KIAA0930: variants seen among roughly 807,000 people sequenced by gnomAD.
The protein encoded by KIAA0930 is KIAA0930, also known as uncharacterized protein KIAA0930.
Under a neutral mutation model 43.9 loss-of-function variants are expected in KIAA0930, and 24 were observed. The observed-to-expected ratio is 0.55, with a 90% CI of 0.40 to 0.77. The LOEUF is 0.77. Among genes scored for constraint, KIAA0930 ranks in the 30% least tolerant of loss-of-function variants. KIAA0930 has a pLI of 0.00. For missense variants in KIAA0930, 461 were observed against 574.2 expected (o/e 0.80, Z 2.02); for synonymous variants, 259 against 216.4 (o/e 1.20, Z -1.73).
chr22:45,211,579 G>A (rs2083693527), intron 2 of KIAA0930: 2 of 467,584 alleles, frequency 4.3e-6, no homozygotes, highest in East Asian at 3.3e-5. Context: ...ACTGAGTCAG[G>A]TCACCCTGCC....
In KIAA0930 at chr22:45,205,290, G is replaced by C; in HGVS notation, c.443C>G (p.Pro148Arg). The C allele has an allele frequency of 6.2e-7, 1 of 1,614,118 alleles. No individual in the cohort carries two copies. Among genetic ancestry groups the C allele is most frequent in the Non-Finnish European group, 8.5e-7 (1 of 1,179,966 alleles). The change falls in exon 5 of 10, where the codon CCC becomes CGC. Residue 148 changes from proline to arginine, a missense_variant. Coordinates refer to ENST00000336156, the MANE Select transcript of KIAA0930 (RefSeq NM_001009880.2). Reference sequence around the variant, plus strand: ...GGACTCCTCCCCCTTGCTGTCCATGGGGTGTTTACTGGGGGACGCGAACAC... The same window carrying C: ...GGACTCCTCCCCCTTGCTGTCCATGCGGTGTTTACTGGGGGACGCGAACAC... The part of the protein sequence containing the change: ...QQVFASPSKH[P>R]MDSKGEESKI...
In KIAA0930 at chr22:45,219,910, G is replaced by A. The variant is rs536726685; in HGVS notation, c.65-7803C>T. The stretch of plus-strand genomic sequence containing the variant: ...CAGCCCAAGAAGTGATTTTGGGAAG[G>A]CAATCCTATCAGATTTTCAGGAAAC... On this transcript the variant is annotated intron_variant, in intron 1 of 9. Coordinates refer to ENST00000336156, the MANE Select transcript of KIAA0930 (RefSeq NM_001009880.2). 1.2e-4 allele frequency among the ~76,000 whole-genome samples: 19 copies of A among 152,132 alleles called. No homozygotes were observed. The South Asian group carries it at 1.7e-3, about 13-fold the overall frequency.
rs1311333834 is a variant in KIAA0930, at chr22:45,203,023, C to T, written c.819G>A (p.Glu273=). The change falls in exon 7 of 10, where the codon GAG becomes GAA. Residue 273 remains glutamate, a synonymous_variant. Transcript: ENST00000336156. ...TGDTSPCGTE[E]DSSPASPMHE... is the part of the protein sequence containing the mutation. ...GCATGGGCGAAGCTGGGCTGGAGTC[C>T]TCTTCAGTCCCACAGGGGGATGTGT... 8.1e-6 allele frequency: 13 copies of T among 1,612,696 alleles called. No individual in the cohort carries two copies. The highest frequency in any genetic ancestry group is 1.7e-5 in the Admixed American group (1 of 59,874).
At chr22:45,226,111 C>T in intron 1 of KIAA0930, 1 of 393,468 alleles carries the variant, frequency 2.5e-6, no homozygotes, top group Non-Finnish European at 5.4e-6. Context: ...GAGCCCTGTC[C>T]TCGGTGCGTT....
intron 7 of KIAA0930, among the ~76,000 whole-genome samples, chr22:45,200,419 G>GA (rs1156954468): frequency 6.6e-6 from 1 of 152,186 alleles, no homozygotes; most frequent in Non-Finnish European, 1.5e-5. Context: ...CCAGCTCCGT[G>GA]AGACAGGGGC....
chr22:45,202,906 C>T, intron 7 of KIAA0930, 84 bp downstream of exon 7: 3 of 1,201,494 alleles, frequency 2.5e-6, no homozygotes, highest in South Asian at 1.5e-5. Flanking sequence ...CACCTATGTC[C>T]CCAGGGGGCC....
At position 45,239,679 on chromosome 22, in the gene KIAA0930, C is replaced by T. The variant is rs187833876; in HGVS notation, c.64+961G>A. 2.0e-3 allele frequency among the ~76,000 whole-genome samples: 302 copies of T among 152,278 alleles called. 4 individuals carry two copies. The highest frequency in any genetic ancestry group is 8.4e-4 in the Non-Finnish European group (57 of 68,028). ...CTTGTTCTCTGGGACTCAGTTTCCC[C>T]AACGGTGAATGAAGGGGTGAATCTG... is the stretch of plus-strand genomic sequence containing the variant. On this transcript the variant is annotated intron_variant, in intron 1 of 9. Transcript: ENST00000336156.
intron 1 of KIAA0930, chr22:45,226,356 T>C: frequency 2.1e-6 from 1 of 471,034 alleles, no homozygotes; most frequent in Non-Finnish European, 4.4e-6. Flanking sequence ...TCTGTGGGCC[T>C]GCTCTGCCCC....
rs567087555 is a variant in KIAA0930 at position 45,195,130 on chromosome 22, G to A, written c.*2046C>T. The A allele has an allele frequency of 6.6e-6, 1 of 152,252 alleles. No individual in the cohort carries two copies. The highest frequency in any genetic ancestry group is 1.9e-4 in the East Asian group (1 of 5,198). The allele number at this position is 152,252 out of a possible 1,614,324, so 9.4% of individuals were successfully genotyped here. On this transcript the variant is annotated 3_prime_UTR_variant, in exon 10 of 10. Transcript: ENST00000336156. ...ACTGGTCCTCATGGTCACCCTGTGA[G>A]GGGGGCAGCATTTTTGCCATCTTAC...
chr22:45,240,499 A>G (rs2083910291), intron 1 of KIAA0930, 141 bp downstream of exon 1: 1 of 444,896 alleles, frequency 2.2e-6, no homozygotes, highest in Admixed American at 3.6e-5. Context: ...GGAGGAAGAC[A>G]GGGTACCCAG....
At chr22:45,217,360 CAAAAAAAAA>C (rs58492110) in intron 1 of KIAA0930, among the ~76,000 whole-genome samples, 8 of 68,698 alleles carry the variant, frequency 1.2e-4, no homozygotes, top group African/African-American at 1.2e-4. Flanking sequence ...GACCCCGTCT[CAAAAAAAAA>C]AAAAAAAAAA....
chr22:45,217,815 T>C (rs2083742945), intron 1 of KIAA0930, among the ~76,000 whole-genome samples: 1 of 151,868 alleles, frequency 6.6e-6, no homozygotes, highest in South Asian at 2.1e-4. Context: ...GGAAAACTGA[T>C]ATTTGCCAGG....
rs775003951 is a variant in KIAA0930 at position 45,203,884 on chromosome 22, G to A, written c.618C>T (p.Ser206=). The change falls in exon 6 of 10, where the codon TCC becomes TCT. Residue 206 remains serine (S), a synonymous_variant. Coordinates refer to ENST00000336156, the MANE Select transcript of KIAA0930 (RefSeq NM_001009880.2). The part of the protein sequence containing the change: ...NTFQGVIFQG[S]IRYEALKKVY... The stretch of plus-strand genomic sequence containing the variant: ...CCTTCTTGAGCGCCTCGTAGCGGAT[G>A]GAGCCCTGAAAGATGACCCCCTGGA... The A allele has an allele frequency of 3.1e-6, 5 of 1,614,104 alleles. No individual in the cohort carries two copies. The highest frequency in any genetic ancestry group is 4.2e-6 in the Non-Finnish European group (5 of 1,179,986).
chr22:45,203,866 G>A lies in KIAA0930; in HGVS notation c.636C>T (p.Leu212=), dbSNP rs769460908. ...TCACCCGGTTGTCATACACCTTCTT[G>A]AGCGCCTCGTAGCGGATGGAGCCCT... The part of the protein sequence containing the change: ...IFQGSIRYEA[L]KKVYDNRVSV... Residue 212 remains leucine, a synonymous_variant, in exon 6 of 10, where the codon CTC becomes CTT. Coordinates refer to ENST00000336156, the MANE Select transcript of KIAA0930 (RefSeq NM_001009880.2). The A allele has an allele frequency of 1.9e-6, 3 of 1,614,070 alleles. No homozygotes were observed. In the East Asian group the frequency reaches 6.7e-5, roughly 36 times the overall value.
intron 1 of KIAA0930, among the ~76,000 whole-genome samples, chr22:45,221,212 T>C (rs547003770): frequency 1.3e-5 from 2 of 152,338 alleles, no homozygotes; most frequent in Admixed American, 1.3e-4. Flanking sequence ...CTATCGAATA[T>C]ATATTTTGCC....
rs1287083910 is a variant in KIAA0930 at position 45,197,160 on chromosome 22, CA to C, written c.*15del. The C allele has an allele frequency of 1.2e-5, 18 of 1,544,366 alleles. No individual in the cohort carries two copies. Among genetic ancestry groups the C allele is most frequent in the Non-Finnish European group, 1.6e-5 (18 of 1,143,334 alleles). ...GGCTGGGCCCGGCCGGGGCTCTGCGCAGGCTCCGCACGCGGCTAGGTCATCA... is the reference window on the plus strand; with the variant it reads ...GGCTGGGCCCGGCCGGGGCTCTGCGCGGCTCCGCACGCGGCTAGGTCATCA... On this transcript the variant is annotated 3_prime_UTR_variant, in exon 10 of 10. Coordinates refer to ENST00000336156, the MANE Select transcript of KIAA0930 (RefSeq NM_001009880.2).
intron 2 of KIAA0930, among the ~76,000 whole-genome samples, chr22:45,206,213 C>T (rs747689918): frequency 1.1e-4 from 16 of 152,262 alleles, no homozygotes; most frequent in Admixed American, 6.5e-4. Flanking sequence ...TGTGGCGTTT[C>T]GCCATGTTGT....
rs1259696542 is a variant in KIAA0930 at position 45,194,681 on chromosome 22, C to T, written c.*2495G>A. On this transcript the variant is annotated 3_prime_UTR_variant, in exon 10 of 10. Transcript: ENST00000336156. Reference sequence around the variant, plus strand: ...TGGAAAAACAAACCTGGGAGTAACACCTTACTGTCTGGTTCTCAAGTGGCT... The same window carrying T: ...TGGAAAAACAAACCTGGGAGTAACATCTTACTGTCTGGTTCTCAAGTGGCT... 1 of 152,220 alleles carries T rather than the reference C, an allele frequency of 6.6e-6. No homozygotes were observed. Among genetic ancestry groups the T allele is most frequent in the Non-Finnish European group, 1.5e-5 (1 of 68,048 alleles). The allele number at this position is 152,220 out of a possible 1,614,324, so 9.4% of individuals were successfully genotyped here. A position where few individuals can be genotyped will look rare whatever the true frequency, so the allele number is the denominator to read the frequency against.
chr22:45,222,378 C>A (rs2083772555), intron 1 of KIAA0930, among the ~76,000 whole-genome samples: 3 of 152,188 alleles, frequency 2.0e-5, no homozygotes, highest in Non-Finnish European at 1.5e-5. Flanking sequence ...TCCAGTAGCA[C>A]AATCACTGCA....
Sources: allele counts gnomAD v4.1 joint callset (sites outside exome capture counted in the v4.1 genomes callset), GRCh38; gene constraint gnomAD v4.1.1; transcripts MANE v1.5; gene names NCBI Gene and HGNC (gene_info 2026-07-23, HGNC 2026-07-21).